BPTF: variants seen among roughly 807,000 people sequenced by gnomAD.
BPTF encodes the protein nucleosome-remodeling factor subunit BPTF.
A neutral mutation model predicts 292.5 loss-of-function variants in BPTF; 18 were observed. The ratio of observed to expected loss-of-function variants is 0.06; its 90% CI spans 0.04 to 0.09. BPTF has a LOEUF of 0.09. Ranked by LOEUF, BPTF falls within the 10% of genes least tolerant of loss-of-function variation. The probability of loss-of-function intolerance (pLI) is 1.00; values close to 1 mark genes in which losing one functional copy is unlikely to be tolerated. For missense variants in BPTF, 2,726 were observed against 3,498.7 expected (o/e 0.78, Z 5.57); for synonymous variants, 1,225 against 1,251.9 (o/e 0.98, Z 0.45).
chr17:67,976,072 TAA>T (rs61489754), intron 27 of BPTF, 114 bp downstream of exon 27: 279 of 586,246 alleles, frequency 4.8e-4, no homozygotes, highest in South Asian at 6.1e-4. Flanking sequence ...TAAATATCTT[TAA>T]AAAAAAAATA....
rs1388492765 is a variant in BPTF at position 67,889,396 on chromosome 17, C to CT, written c.1865-2445dup. ...CTTTTTAAAAGCACTGTGTCATTCT[C>CT]TTTCTCTTTTCGGGAAATCTGACCC... is the stretch of plus-strand genomic sequence containing the variant. On this transcript the variant is annotated intron_variant, in intron 4 of 27. Coordinates refer to ENST00000306378, the MANE Select transcript of BPTF (RefSeq NM_182641.4). Among the ~76,000 whole-genome samples the CT allele has an allele frequency of 6.6e-5, 10 of 152,330 alleles. No homozygotes were observed. The East Asian group carries it at 1.4e-3, about 21-fold the overall frequency.
chr17:67,890,724 G>A (rs2061054390), intron 4 of BPTF, among the ~76,000 whole-genome samples: 1 of 152,182 alleles, frequency 6.6e-6, no homozygotes, highest in African/African-American at 2.4e-5. Flanking sequence ...AAAATTAACA[G>A]ATGTTTACAA....
chr17:67,936,480 A>G (rs1413504601), intron 18 of BPTF: 1 of 152,238 alleles, frequency 6.6e-6, no homozygotes, highest in African/African-American at 2.4e-5. Context: ...ATGGATACAC[A>G]GAGCCTTTGT....
At chr17:67,932,786 A>G (rs1318756820) in intron 18 of BPTF, among the ~76,000 whole-genome samples, 1 of 152,286 alleles carries the variant, frequency 6.6e-6, no homozygotes, top group South Asian at 2.1e-4. Flanking sequence ...TCAAATTACT[A>G]CAAAAGCTAC....
At position 67,945,719 on chromosome 17, in the gene BPTF, A is replaced by T; in HGVS notation, c.7011A>T (p.Gly2337=). The part of the protein sequence containing the change: ...AQSQPQSNVQ[G]QSPVRVQSPS... ...CTCAGCCTCAAAGTAATGTCCAAGGACAGTCTCCTGTTCGTGTCCAAAGTC... is the reference window on the plus strand; with the variant it reads ...CTCAGCCTCAAAGTAATGTCCAAGGTCAGTCTCCTGTTCGTGTCCAAAGTC... The change falls in exon 21 of 28, where the codon GGA becomes GGT. Residue 2337 remains glycine (G), a synonymous_variant. Coordinates refer to ENST00000306378, the MANE Select transcript of BPTF (RefSeq NM_182641.4). 1 of 1,614,174 alleles carries T rather than the reference A, an allele frequency of 6.2e-7. No homozygotes were observed. Among genetic ancestry groups the T allele is most frequent in the African/African-American group, 1.3e-5 (1 of 75,048 alleles).
chr17:67,958,691 A>G (rs1436955104), intron 23 of BPTF, among the ~76,000 whole-genome samples: 3 of 151,492 alleles, frequency 2.0e-5, no homozygotes, highest in Admixed American at 6.6e-5. Context: ...AGATTGTGCC[A>G]CTGCACTCCA....
chr17:67,943,529 G>A (rs797034123), intron 19 of BPTF, among the ~76,000 whole-genome samples: 1 of 152,084 alleles, frequency 6.6e-6, no homozygotes, highest in Non-Finnish European at 1.5e-5. Context: ...CTTACTTGGT[G>A]TTTGCATTAC....
At chr17:67,959,168 A>G (rs12601759) in intron 23 of BPTF, among the ~76,000 whole-genome samples, 33,355 of 151,960 alleles carry the variant, frequency 0.22, 4,313 homozygotes, top group East Asian at 0.68. Flanking sequence ...AGCAAGAGCA[A>G]CTAGAAGAAA....
intron 26 of BPTF, among the ~76,000 whole-genome samples, chr17:67,968,092 A>T (rs1230320016): frequency 2.0e-5 from 3 of 151,574 alleles, no homozygotes; most frequent in African/African-American, 7.3e-5. Context: ...GAATGGCTAC[A>T]AATGATTTTA....
Position 67,945,461 on chromosome 17 carries a change from A to G in BPTF, c.6753A>G (p.Gln2251=). 2 of 1,614,138 alleles carry G rather than the reference A, an allele frequency of 1.2e-6. No individual in the cohort carries two copies. Among genetic ancestry groups the G allele is most frequent in the East Asian group, 2.2e-5 (1 of 44,888 alleles). ...TGTCACCCCAGATGCAGGTACATCA[A>G]GACAAAACCCTGCCACCAGCTCAGT... is the stretch of plus-strand genomic sequence containing the variant. The part of the protein sequence containing the change: ...SKLSPQMQVH[Q]DKTLPPAQSS... Residue 2251 remains glutamine, a synonymous_variant, in exon 21 of 28, where the codon CAA becomes CAG. Transcript: ENST00000306378.
At chr17:67,965,902 TA>T (rs201802525) in intron 25 of BPTF, 7 of 149,686 alleles carry the variant, frequency 4.7e-5, no homozygotes, top group East Asian at 2.0e-4. Context: ...TACAAAACAT[TA>T]AAAAAAAATG....
intron 1 of BPTF, among the ~76,000 whole-genome samples, chr17:67,842,957 A>G (rs1304244051): frequency 6.6e-6 from 1 of 151,846 alleles, no homozygotes; most frequent in East Asian, 1.9e-4. Flanking sequence ...ATAAAGAGCA[A>G]CAGAAATGGT....
At chr17:67,843,741 C>T (rs1263784008) in intron 1 of BPTF, among the ~76,000 whole-genome samples, 7 of 115,634 alleles carry the variant, frequency 6.1e-5, no homozygotes, top group African/African-American at 2.6e-4. Flanking sequence ...TTTAAATTGT[C>T]TGGAGCAGTT....
chr17:67,835,462 G>C (rs537881701), intron 1 of BPTF, among the ~76,000 whole-genome samples: 46 of 152,220 alleles, frequency 3.0e-4, no homozygotes, highest in African/African-American at 1.1e-3. Context: ...GCACAGCTTG[G>C]GTAGCCCCAG....
rs1181692457 is a variant in BPTF, at chr17:67,874,924, G to T, written c.1768G>T (p.Ala590Ser). ...KNETENDSKD[A>S]EKNREEFEDQ... is the part of the protein sequence containing the mutation. ...TGAGACTGAGAATGACTCTAAAGAT[G>T]CTGAGAAAAACAGAGAAGAATTTGA... The change falls in exon 4 of 28, where the codon GCT (alanine) becomes TCT (serine). Residue 590 changes from alanine to serine, a missense_variant. Physicochemically the swap from Ala to Ser is moderately conservative, Grantham distance 99. Coordinates refer to ENST00000306378, the MANE Select transcript of BPTF (RefSeq NM_182641.4). The T allele has an allele frequency of 6.2e-7, 1 of 1,613,818 alleles. No homozygotes were observed. Among genetic ancestry groups the T allele is most frequent in the Non-Finnish European group, 8.5e-7 (1 of 1,179,842 alleles).
At chr17:67,940,787 C>A in intron 19 of BPTF, 131 bp downstream of exon 19, 1 of 1,002,566 alleles carries the variant, frequency 1.0e-6, no homozygotes, top group Non-Finnish European at 1.5e-6. Flanking sequence ...TTCCTGGAGT[C>A]AAGCAGAAAT....
At chr17:67,934,728 T>G (rs2064758735) in intron 18 of BPTF, among the ~76,000 whole-genome samples, 1 of 151,692 alleles carries the variant, frequency 6.6e-6, no homozygotes, top group East Asian at 1.9e-4. Flanking sequence ...AAAAATTAGC[T>G]GGGTGTGGTG....
intron 21 of BPTF, among the ~76,000 whole-genome samples, chr17:67,947,206 C>T (rs1003624643): frequency 8.5e-5 from 13 of 152,092 alleles, no homozygotes; most frequent in African/African-American, 2.7e-4. Flanking sequence ...ATGAAAATGA[C>T]GGTCATATAT....
chr17:67,918,764 G>A lies in BPTF; in HGVS notation c.5354G>A (p.Arg1785Gln), dbSNP rs1598648972. 1 of 1,613,770 alleles carries A rather than the reference G, an allele frequency of 6.2e-7. No homozygotes were observed. The highest frequency in any genetic ancestry group is 8.5e-7 in the Non-Finnish European group (1 of 1,179,812). Residue 1785 changes from arginine to glutamine, a missense_variant, in exon 12 of 28, where the codon CGG becomes CAG. Transcript: ENST00000306378. ...KSLAGVSLML[R>Q]LLWASLRWDD... ...TTAGCTGGAGTGAGCCTGATGTTAC[G>A]GTTACTGTGGGCAAGTTTGAGATGG...
Sources: allele counts gnomAD v4.1 joint callset (sites outside exome capture counted in the v4.1 genomes callset), GRCh38; gene constraint gnomAD v4.1.1; transcripts MANE v1.5; gene names NCBI Gene and HGNC (gene_info 2026-07-23, HGNC 2026-07-21).